The following GPHN variants were observed in gnomAD, a reference collection of about 807,000 sequenced individuals.
GPHN encodes the protein gephyrin.
GPHN carries 17 observed loss-of-function variants against 95.5 expected under a neutral mutation model. The ratio of observed to expected loss-of-function variants is 0.18; its 90% CI spans 0.12 to 0.27. The LOEUF (loss-of-function observed/expected upper bound fraction) is 0.27. Among genes scored for constraint, GPHN ranks in the 10% least tolerant of loss-of-function variants. The pLI, the probability that GPHN is intolerant of heterozygous loss-of-function variation, is 1.00. For synonymous variants in GPHN, 320 were observed against 322.5 expected, an observed-to-expected ratio of 0.99 and a Z score of 0.08; for missense variants, 660 against 978.1, an observed-to-expected ratio of 0.67 and a Z score of 4.34.
At chr14:67,254,025 T>TC in the GPHN span, among the ~76,000 whole-genome samples, 12,752 of 122,602 alleles carry the variant, frequency 0.1, 1,218 homozygotes, top group East Asian at 0.31. Context: ...CTTATATTCA[T>TC]CCCCCCCCCC....
At chr14:67,564,577 C>T in the GPHN span, among the ~76,000 whole-genome samples, 3 of 152,102 alleles carry the variant, frequency 2.0e-5, no homozygotes, top group Non-Finnish European at 4.4e-5. Context: ...CCTACTTCAG[C>T]CTTCTAAGTA....
intron 1 of GPHN, among the ~76,000 whole-genome samples, chr14:66,510,462 T>A (rs573120546): frequency 6.6e-6 from 1 of 152,356 alleles, no homozygotes; most frequent in East Asian, 1.9e-4. Context: ...TACAGACTGC[T>A]TTGAAAGATG....
chr14:67,482,394 C>T, the GPHN span, among the ~76,000 whole-genome samples: 1 of 152,220 alleles, frequency 6.6e-6, no homozygotes, highest in Non-Finnish European at 1.5e-5. Flanking sequence ...GGTGCCACAA[C>T]ACAGTGACTC....
At chr14:67,391,703 G>A in the GPHN span, among the ~76,000 whole-genome samples, 251 of 152,338 alleles carry the variant, frequency 1.6e-3, no homozygotes, top group Non-Finnish European at 3.1e-3. Context: ...CCAAGGACAG[G>A]TGATTTTGTT....
chr14:67,574,206 G>C, the GPHN span: 63 of 1,536,174 alleles, frequency 4.1e-5, no homozygotes, highest in African/African-American at 8.3e-4. The surrounding 1 kb of genome is among the most constrained non-coding windows in gnomAD (Gnocchi z 4.2). Flanking sequence ...CATTCTCCCA[G>C]CGTGCTGCCC....
At chr14:66,989,550 T>C (rs2071260320) in intron 9 of GPHN, among the ~76,000 whole-genome samples, 1 of 151,770 alleles carries the variant, frequency 6.6e-6, no homozygotes, top group Admixed American at 6.6e-5. Context: ...TAATGATTAA[T>C]CTCATTTTAT....
At chr14:67,319,154 T>G in the GPHN span, among the ~76,000 whole-genome samples, 1 of 152,204 alleles carries the variant, frequency 6.6e-6, no homozygotes, top group Non-Finnish European at 1.5e-5. Context: ...AAGTGTAGTT[T>G]GAGCTCCTGC....
the GPHN span, among the ~76,000 whole-genome samples, chr14:67,371,517 C>T: frequency 6.6e-6 from 1 of 152,008 alleles, no homozygotes; most frequent in Non-Finnish European, 1.5e-5. Context: ...TCTTATCATG[C>T]AAATTTCATA....
At chr14:66,555,875 T>C (rs890892634) in intron 1 of GPHN, among the ~76,000 whole-genome samples, 32 of 152,206 alleles carry the variant, frequency 2.1e-4, no homozygotes, top group African/African-American at 7.5e-4. Flanking sequence ...ATGTGTTTCA[T>C]GTGCAGTCTT....
chr14:67,047,155 A>T (rs2075059228), intron 10 of GPHN, among the ~76,000 whole-genome samples: 1 of 152,090 alleles, frequency 6.6e-6, no homozygotes, highest in South Asian at 2.1e-4. Flanking sequence ...ATGAATAATG[A>T]TTTACACTTT....
At chr14:67,646,153 A>AAT in the GPHN span, among the ~76,000 whole-genome samples, 5 of 152,182 alleles carry the variant, frequency 3.3e-5, no homozygotes, top group Non-Finnish European at 7.3e-5. Context: ...AGCAGTTCAG[A>AAT]ATATATGGGA....
chr14:67,222,079 C>G, the GPHN span: 1 of 390,122 alleles, frequency 2.6e-6, no homozygotes, highest in South Asian at 5.4e-5. Flanking sequence ...TCCCAGTTCC[C>G]TGTATCTAAA....
the GPHN span, among the ~76,000 whole-genome samples, chr14:67,701,349 T>C: frequency 6.6e-6 from 1 of 151,732 alleles, no homozygotes; most frequent in East Asian, 1.9e-4. Context: ...TAGAAACACT[T>C]ATAACTTTTT....
intron 1 of GPHN, among the ~76,000 whole-genome samples, chr14:66,657,746 T>C (rs939947771): frequency 3.9e-5 from 6 of 152,086 alleles, no homozygotes; most frequent in African/African-American, 9.7e-5. Flanking sequence ...GACCTACTGC[T>C]CAGAAAAATA....
chr14:66,657,462 TCTG>T (rs1229418360), intron 1 of GPHN, among the ~76,000 whole-genome samples: 1 of 152,212 alleles, frequency 6.6e-6, no homozygotes, highest in African/African-American at 2.4e-5. Context: ...GAAATAGCCT[TCTG>T]CTGTAAGAAG....
chr14:67,533,389 C>T, the GPHN span: 12 of 151,528 alleles, frequency 7.9e-5, no homozygotes, highest in Non-Finnish European at 1.5e-4. Flanking sequence ...CGGCCGCGAG[C>T]TCGCTGGAGG....
At chr14:67,006,464 C>T (rs2072618873) in intron 9 of GPHN, among the ~76,000 whole-genome samples, 1 of 152,094 alleles carries the variant, frequency 6.6e-6, no homozygotes. Context: ...TCTGTTTGGG[C>T]TACCATGCTT....
the GPHN span, chr14:67,364,754 G>C: frequency 6.9e-6 from 11 of 1,589,514 alleles, no homozygotes; most frequent in South Asian, 1.1e-5. Flanking sequence ...TAATTCTTTT[G>C]TTTAAATTGC....
rs534030777 is a variant in GPHN at position 67,036,506 on chromosome 14, C to T, written c.1006+12831C>T. On this transcript the variant is annotated intron_variant, in intron 10 of 22. Coordinates refer to ENST00000478722, the MANE Select transcript of GPHN (RefSeq NM_020806.5). ...TTCCACTTATATACATACATGCACACACACACACACACACACACACACACA... is the reference window on the plus strand; with the variant it reads ...TTCCACTTATATACATACATGCACATACACACACACACACACACACACACA... Among the ~76,000 whole-genome samples the T allele has an allele frequency of 3.2e-3, 436 of 137,490 alleles. 3 individuals are homozygous for T. The highest frequency in any genetic ancestry group is 0.011 in the African/African-American group (418 of 38,896). 90.2% of individuals were successfully genotyped at this position (137,490 alleles called of 152,430 possible).
Sources: allele counts gnomAD v4.1 joint callset (sites outside exome capture counted in the v4.1 genomes callset), GRCh38; gene constraint gnomAD v4.1.1; non-coding constraint Gnocchi (gnomAD v3.1); transcripts MANE v1.5; gene names NCBI Gene and HGNC (gene_info 2026-07-23, HGNC 2026-07-21).